Variants in ZNF385B observed in about 807,000 individuals in gnomAD.
The protein encoded by ZNF385B is zinc finger protein 385B.
A neutral mutation model predicts 39.2 loss-of-function variants in ZNF385B; 23 were observed. That is an observed-to-expected ratio of 0.59 (90% confidence interval 0.42 to 0.83). The LOEUF (loss-of-function observed/expected upper bound fraction) is 0.83. Among genes scored for constraint, ZNF385B ranks in the 40% least tolerant of loss-of-function variants. ZNF385B has a pLI of 0.00. For missense variants in ZNF385B, 552 were observed against 598.9 expected (o/e 0.92, Z 0.82); for synonymous variants, 205 against 222.6 (o/e 0.92, Z 0.70).
chr2:179,677,612 A>G (rs1177380034), intron 3 of ZNF385B, among the ~76,000 whole-genome samples: 1 of 152,208 alleles, frequency 6.6e-6, no homozygotes, highest in Non-Finnish European at 1.5e-5. Context: ...TTTTTATTTG[A>G]AAAGATCTAC....
At chr2:179,699,076 C>A (rs1698977800) in intron 3 of ZNF385B, among the ~76,000 whole-genome samples, 1 of 150,416 alleles carries the variant, frequency 6.6e-6, no homozygotes, top group Non-Finnish European at 1.5e-5. Context: ...TATAAATATG[C>A]TGGAAAGCTC....
intron 3 of ZNF385B, among the ~76,000 whole-genome samples, chr2:179,546,022 TTTTAA>T (rs1284683840): frequency 1.3e-5 from 2 of 152,126 alleles, no homozygotes; most frequent in African/African-American, 4.8e-5. Context: ...ATTTTTTTAA[TTTTAA>T]TTTAACTTTA....
At chr2:179,629,575 C>G (rs1240559465) in intron 3 of ZNF385B, among the ~76,000 whole-genome samples, 1 of 152,158 alleles carries the variant, frequency 6.6e-6, no homozygotes, top group Non-Finnish European at 1.5e-5. Context: ...AGGAACAGCT[C>G]CAGTCTGCAG....
chr2:179,603,197 C>T (rs1688541691), intron 3 of ZNF385B, among the ~76,000 whole-genome samples: 1 of 152,084 alleles, frequency 6.6e-6, no homozygotes, highest in South Asian at 2.1e-4. Context: ...TCTGGGGGCC[C>T]CAGACACATC....
At position 179,535,090 on chromosome 2, in the gene ZNF385B, C is replaced by G. The variant is rs73976403; in HGVS notation, c.441+9737G>C. Among the ~76,000 whole-genome samples, 1,367 of 152,240 alleles carry G rather than the reference C, an allele frequency of 9.0e-3. 21 individuals carry two copies. Among genetic ancestry groups the G allele is most frequent in the African/African-American group, 0.031 (1,299 of 41,550 alleles). ...AGTTTGGGTCTACCTGGGAAAAACA[C>G]AGAAATTAAGTAGGCCCCAGACATG... On this transcript the variant is annotated intron_variant, in intron 4 of 9. Coordinates refer to ENST00000410066, the MANE Select transcript of ZNF385B (RefSeq NM_152520.6).
intron 3 of ZNF385B, among the ~76,000 whole-genome samples, chr2:179,606,521 G>T (rs1269819935): frequency 1.3e-5 from 2 of 151,964 alleles, no homozygotes; most frequent in African/African-American, 4.8e-5. Flanking sequence ...CCTTTAGGTT[G>T]TGGGTGCTGT....
intron 1 of ZNF385B, among the ~76,000 whole-genome samples, chr2:179,819,335 C>A (rs1169010336): frequency 6.6e-6 from 1 of 152,076 alleles, no homozygotes; most frequent in Non-Finnish European, 1.5e-5. Flanking sequence ...CCAGTGCAGA[C>A]CTTGGAATCT....
At chr2:179,839,724 CA>C (rs1331700430) in intron 1 of ZNF385B, among the ~76,000 whole-genome samples, 2 of 152,096 alleles carry the variant, frequency 1.3e-5, no homozygotes, top group Non-Finnish European at 2.9e-5. Flanking sequence ...AAGGATACTG[CA>C]GGAACCAAGG....
At position 179,544,937 on chromosome 2, in the gene ZNF385B, G is replaced by C. The variant is rs764506289; in HGVS notation, c.331C>G (p.Leu111Val). The C allele has an allele frequency of 1.9e-6, 3 of 1,614,058 alleles. No homozygotes were observed. The highest frequency in any genetic ancestry group is 2.5e-6 in the Non-Finnish European group (3 of 1,179,928). The change falls in exon 4 of 10, where the codon CTT becomes GTT. Residue 111 changes from leucine to valine, a missense_variant. Leu to Val is a conservative substitution (Grantham distance 32, BLOSUM62 1). Transcript: ENST00000410066. The stretch of plus-strand genomic sequence containing the variant: ...ATCATCAGGGTAGGTGTGCGCACAA[G>C]AGCAGGAAGGGTAGTAGTGTGGCAT... ...STCHTTTLPA[L>V]VRTPTLMMQP...
At chr2:179,855,864 A>G (rs1482011561) in intron 1 of ZNF385B, among the ~76,000 whole-genome samples, 1 of 152,230 alleles carries the variant, frequency 6.6e-6, no homozygotes, top group Non-Finnish European at 1.5e-5. Flanking sequence ...AAGTCAGCCC[A>G]TTTCACAGAT....
chr2:179,682,426 G>T (rs946517106), intron 3 of ZNF385B, among the ~76,000 whole-genome samples: 11 of 152,084 alleles, frequency 7.2e-5, no homozygotes, highest in Admixed American at 7.2e-4. Flanking sequence ...TTTTAAAACT[G>T]ATCTCTTTTA....
At chr2:179,581,462 C>T (rs747542844) in intron 3 of ZNF385B, among the ~76,000 whole-genome samples, 4 of 152,128 alleles carry the variant, frequency 2.6e-5, no homozygotes, top group Non-Finnish European at 4.4e-5. Context: ...AACATAGTTT[C>T]CTAGGAAGGT....
At chr2:179,840,635 GTTCC>G (rs1274436408) in intron 1 of ZNF385B, among the ~76,000 whole-genome samples, 2 of 152,148 alleles carry the variant, frequency 1.3e-5, no homozygotes, top group Non-Finnish European at 2.9e-5. Flanking sequence ...TACAAAATTT[GTTCC>G]TTCAACTTTG....
At chr2:179,493,555 G>A (rs2055553522) in intron 5 of ZNF385B, among the ~76,000 whole-genome samples, 1 of 142,006 alleles carries the variant, frequency 7.0e-6, no homozygotes, top group Non-Finnish European at 1.6e-5. Flanking sequence ...ACGTGTACAT[G>A]CACATATATG....
chr2:179,753,112 A>C (rs1702782890), intron 3 of ZNF385B, among the ~76,000 whole-genome samples: 1 of 152,168 alleles, frequency 6.6e-6, no homozygotes, highest in South Asian at 2.1e-4. Context: ...ATTTTTGTAT[A>C]AGGTGTAAGG....
chr2:179,841,035 T>C (rs1051867850), intron 1 of ZNF385B, among the ~76,000 whole-genome samples: 8 of 152,216 alleles, frequency 5.3e-5, no homozygotes, highest in Admixed American at 4.6e-4. Context: ...GATTGTAAAA[T>C]GCTGACATGG....
At chr2:179,734,442 C>A (rs1405508328) in intron 3 of ZNF385B, among the ~76,000 whole-genome samples, 2 of 152,184 alleles carry the variant, frequency 1.3e-5, no homozygotes, top group African/African-American at 4.8e-5. Context: ...CTAGGTAGCT[C>A]ATTGTGCTAC....
chr2:179,776,185 T>A (rs1420994953), intron 1 of ZNF385B, among the ~76,000 whole-genome samples: 2 of 152,194 alleles, frequency 1.3e-5, no homozygotes, highest in Non-Finnish European at 2.9e-5. Context: ...AAGAGAAAGA[T>A]CACACCTCTG....
intron 5 of ZNF385B, among the ~76,000 whole-genome samples, chr2:179,500,942 G>A (rs2056701057): frequency 6.6e-6 from 1 of 152,164 alleles, no homozygotes. Flanking sequence ...GATTTGAATA[G>A]ACATTTCTTA....
Sources: gnomAD v4.1 joint callset for allele counts (sites outside exome capture counted in the v4.1 genomes callset) on GRCh38, gnomAD v4.1.1 for gene constraint, MANE v1.5 for transcripts, NCBI Gene and HGNC (gene_info 2026-07-23, HGNC 2026-07-21) for gene names.